Variants in TET3 observed in about 807,000 individuals in gnomAD.
The protein encoded by TET3 is methylcytosine dioxygenase TET3.
A neutral mutation model predicts 141.4 loss-of-function variants in TET3; 19 were observed. That is an observed-to-expected ratio of 0.13 (90% confidence interval 0.09 to 0.20). The LOEUF is 0.20. TET3 is among the 10% of genes least tolerant of loss of function. The pLI, the probability that TET3 is intolerant of heterozygous loss-of-function variation, is 1.00. For synonymous variants in TET3, 1,043 were observed against 980.9 expected, an observed-to-expected ratio of 1.06 and a Z score of -1.18; for missense variants, 1,874 against 2,356.9, an observed-to-expected ratio of 0.80 and a Z score of 4.24.
chr2:74,086,501 A>G (rs1397324618), intron 6 of TET3, among the ~76,000 whole-genome samples: 2 of 152,182 alleles, frequency 1.3e-5, no homozygotes, highest in East Asian at 3.8e-4. Flanking sequence ...AACAGTGTAT[A>G]AACAGGCTGG....
chr2:74,025,517 G>T (rs903489557), intron 3 of TET3, among the ~76,000 whole-genome samples: 25 of 152,104 alleles, frequency 1.6e-4, no homozygotes, highest in African/African-American at 6.0e-4. Context: ...TCGATCTCCT[G>T]ATGTCGTGAT....
At chr2:74,031,109 G>A (rs1686661083) in intron 3 of TET3, among the ~76,000 whole-genome samples, 1 of 152,162 alleles carries the variant, frequency 6.6e-6, no homozygotes, top group Non-Finnish European at 1.5e-5. Flanking sequence ...AGGAAACTTT[G>A]GGGCTGTTGG....
intron 2 of TET3, among the ~76,000 whole-genome samples, chr2:74,000,542 G>T (rs1214187094): frequency 6.6e-6 from 1 of 152,110 alleles, no homozygotes; most frequent in East Asian, 1.9e-4. Context: ...GTCGGGGGAG[G>T]TGCGGAGGGA....
the TET3 span, among the ~76,000 whole-genome samples, chr2:74,116,751 T>TA: frequency 6.7e-6 from 1 of 149,864 alleles, no homozygotes; most frequent in Non-Finnish European, 1.5e-5. Flanking sequence ...TTTGTCAATT[T>TA]AAAAAAATTA....
chr2:74,093,501 G>A lies in TET3; in HGVS notation c.3130-28G>A, dbSNP rs377349651. 2.8e-5 allele frequency: 44 copies of A among 1,575,772 alleles called. No homozygotes were observed. Among genetic ancestry groups the A allele is most frequent in the Non-Finnish European group, 3.5e-5 (41 of 1,157,636 alleles). ...CGGGGCCACTCACCTCAGGTCATGT[G>A]AGCACCTCTCCTTGGCTGTCTACAC... On this transcript the variant is annotated intron_variant, in intron 9 of 11. Transcript: ENST00000409262. This position sits in a 1 kb window ranked among gnomAD's most constrained non-coding sequence, Gnocchi z 4.2.
intron 6 of TET3, among the ~76,000 whole-genome samples, chr2:74,085,150 CAA>C (rs112733988): frequency 4.9e-4 from 59 of 119,266 alleles, no homozygotes; most frequent in Non-Finnish European, 4.1e-4. Context: ...TTTTCCACAG[CAA>C]AAAAAAAAAA....
At chr2:74,131,926 C>G in the TET3 span, among the ~76,000 whole-genome samples, 3 of 151,390 alleles carry the variant, frequency 2.0e-5, no homozygotes, top group African/African-American at 4.9e-5. Flanking sequence ...GGTGGGGGGG[C>G]CCTATTTGTT....
At chr2:74,108,801 C>T (rs1691635583), downstream of TET3, among the ~76,000 whole-genome samples, 1 of 152,190 alleles carries the variant, frequency 6.6e-6, no homozygotes, top group South Asian at 2.1e-4. Flanking sequence ...GAAATTGATC[C>T]AGTGTCTTTG....
At chr2:74,119,388 A>G in the TET3 span, among the ~76,000 whole-genome samples, 1 of 151,870 alleles carries the variant, frequency 6.6e-6, no homozygotes, top group African/African-American at 2.4e-5. Flanking sequence ...CCATCTTTTA[A>G]GAACTCAAGT....
chr2:74,039,497 G>T (rs1343474168), intron 3 of TET3, among the ~76,000 whole-genome samples: 2 of 151,946 alleles, frequency 1.3e-5, no homozygotes, highest in African/African-American at 4.8e-5. Flanking sequence ...AAAACTTTTT[G>T]GGGTCCTGAA....
At chr2:73,996,858 C>T (rs1684616833) in intron 2 of TET3, among the ~76,000 whole-genome samples, 1 of 152,182 alleles carries the variant, frequency 6.6e-6, no homozygotes, top group African/African-American at 2.4e-5. Flanking sequence ...GAAAAGAAGG[C>T]CGGCAGCCCA....
intron 4 of TET3, among the ~76,000 whole-genome samples, chr2:74,061,303 C>T (rs1688530932): frequency 7.0e-6 from 1 of 142,430 alleles, no homozygotes; most frequent in Non-Finnish European, 1.6e-5. Flanking sequence ...CTCCTCACTT[C>T]CCAGTAGGGG....
the TET3 span, among the ~76,000 whole-genome samples, chr2:74,125,695 A>AT: frequency 6.1e-3 from 859 of 141,764 alleles, 6 homozygotes; most frequent in African/African-American, 0.018. Context: ...GTATGCTAAA[A>AT]TTTTTTTTTT....
chr2:74,046,450 A>G lies in TET3; in HGVS notation c.533A>G (p.Gln178Arg), dbSNP rs1221639919. 2 of 1,606,636 alleles carry G rather than the reference A, an allele frequency of 1.2e-6. No individual in the cohort carries two copies. The highest frequency in any genetic ancestry group is 1.7e-5 in the Admixed American group (1 of 59,502). Reference sequence around the variant, plus strand: ...ACTGGGGGTCCTTGGCGGGTAGACCAAAAGCCCGACTGGGAGGCTGCCCCA... The same window carrying G: ...ACTGGGGGTCCTTGGCGGGTAGACCGAAAGCCCGACTGGGAGGCTGCCCCA... ...LGTGGPWRVD[Q>R]KPDWEAAPGP... The change falls in exon 4 of 12, where the codon CAA becomes CGA. Residue 178 changes from glutamine (Q) to arginine (R), a missense_variant. Coordinates refer to ENST00000409262, the MANE Select transcript of TET3 (RefSeq NM_001287491.2). The surrounding 1 kb of genome is among the most constrained non-coding windows in gnomAD (Gnocchi z 4.3).
At chr2:74,092,619 C>G (rs567790351) in intron 8 of TET3, among the ~76,000 whole-genome samples, 1 of 152,322 alleles carries the variant, frequency 6.6e-6, no homozygotes, top group South Asian at 2.1e-4. Flanking sequence ...TTGATATGTT[C>G]TGGGCTGAAC....
rs1691490555 is a variant in TET3 at position 74,106,146 on chromosome 2, T to C, written c.*3970T>C. 6.6e-6 allele frequency: 1 copy of C among 151,834 alleles called. No individual in the cohort carries two copies. Among genetic ancestry groups the C allele is most frequent in the African/African-American group, 2.4e-5 (1 of 41,330 alleles). The allele number at this position is 151,834 out of a possible 1,614,324, so 9.4% of individuals were successfully genotyped here. A position where few individuals can be genotyped will look rare whatever the true frequency, so the allele number is the denominator to read the frequency against. ...GCTGTCTTAGACCCGTTTACCGTGC[T>C]ATAATCTGCTCTGAGCAGTGTTGTG... On this transcript the variant is annotated 3_prime_UTR_variant, in exon 12 of 12. Coordinates refer to ENST00000409262, the MANE Select transcript of TET3 (RefSeq NM_001287491.2).
At chr2:73,985,661 C>T (rs534694299) in intron 1 of TET3, among the ~76,000 whole-genome samples, 2 of 152,184 alleles carry the variant, frequency 1.3e-5, no homozygotes, top group East Asian at 1.9e-4. Context: ...GGCCCGGCGG[C>T]CTCCAGCCAG....
chr2:74,047,462 C>G lies in TET3; in HGVS notation c.1545C>G (p.Ser515=). 6.2e-7 allele frequency: 1 copy of G among 1,612,620 alleles called. No individual in the cohort carries two copies. The highest frequency in any genetic ancestry group is 8.5e-7 in the Non-Finnish European group (1 of 1,179,816). The change falls in exon 4 of 12, where the codon TCC becomes TCG. Residue 515 remains serine (S), a synonymous_variant. Coordinates refer to ENST00000409262, the MANE Select transcript of TET3 (RefSeq NM_001287491.2). ...TTCAGAGGGAGGCTCCCACGCCATCCTCGGAGCCCGACACCCACCAGAAGG... is the reference window on the plus strand; with the variant it reads ...TTCAGAGGGAGGCTCCCACGCCATCGTCGGAGCCCGACACCCACCAGAAGG... ...PVLQREAPTP[S]SEPDTHQKAQ...
rs754993253 is a variant in TET3, at chr2:74,046,262, T to TTC, written c.361-6_361-5dup. ...GGTTCATTTTTTTCCTTTTTCCCCC[T>TTC]TCTCTCTCTCTTTAGACAGGCTCAG... On this transcript the variant is annotated splice_polypyrimidine_tract_variant and intron_variant, in intron 3 of 11. Transcript: ENST00000409262. The surrounding 1 kb of genome is among the most constrained non-coding windows in gnomAD (Gnocchi z 4.3). The TTC allele has an allele frequency of 5.5e-6, 8 of 1,451,202 alleles. No individual in the cohort carries two copies. The highest frequency in any genetic ancestry group is 5.0e-5 in the Admixed American group (2 of 39,996). 89.9% of individuals were successfully genotyped at this position (1,451,202 alleles called of 1,614,324 possible).
Sources: allele counts gnomAD v4.1 joint callset (sites outside exome capture counted in the v4.1 genomes callset), GRCh38; gene constraint gnomAD v4.1.1; non-coding constraint Gnocchi (gnomAD v3.1); transcripts MANE v1.5; gene names NCBI Gene and HGNC (gene_info 2026-07-23, HGNC 2026-07-21).